Variants in CHRNA4 observed in about 807,000 individuals in gnomAD.
CHRNA4 encodes the protein cholinergic receptor nicotinic alpha 4 subunit.
A neutral mutation model predicts 48.9 loss-of-function variants in CHRNA4; 28 were observed. The ratio of observed to expected loss-of-function variants is 0.57; its 90% confidence interval spans 0.42 to 0.79. CHRNA4 has a LOEUF of 0.79. Ranked by LOEUF, CHRNA4 falls within the 30% of genes least tolerant of loss-of-function variation. CHRNA4 has a pLI of 0.00. For synonymous variants in CHRNA4, 425 were observed against 402.3 expected, an observed-to-expected ratio of 1.06 and a Z score of -0.68; for missense variants, 859 against 898.4, an observed-to-expected ratio of 0.96 and a Z score of 0.56.
rs1444776363 is a variant in CHRNA4 at position 63,361,267 on chromosome 20, C to A, written c.-102G>T. The A allele has an allele frequency of 9.4e-6, 13 of 1,384,160 alleles. No individual in the cohort carries two copies. The highest frequency in any genetic ancestry group is 1.2e-5 in the Non-Finnish European group (13 of 1,070,808). The allele number at this position is 1,384,160 out of a possible 1,614,324, so 85.7% of individuals were successfully genotyped here. ...TTCATGCCTCCCGCGCCTCGCGGGC[C>A]GCTTCGGCCGCCGGGCCCGGTTCGT... On this transcript the variant is annotated 5_prime_UTR_variant, in exon 1 of 6. Transcript: ENST00000370263.
chr20:63,361,255 C>T lies in CHRNA4; in HGVS notation c.-90G>A. On this transcript the variant is annotated 5_prime_UTR_variant, in exon 1 of 6. Transcript: ENST00000370263. ...TGCGCGCCCAACTTCATGCCTCCCG[C>T]GCCTCGCGGGCCGCTTCGGCCGCCG... 2 of 1,405,860 alleles carry T rather than the reference C, an allele frequency of 1.4e-6. No homozygotes were observed. Among genetic ancestry groups the T allele is most frequent in the Non-Finnish European group, 1.8e-6 (2 of 1,082,546 alleles). The allele number at this position is 1,405,860 out of a possible 1,614,324, so 87.1% of individuals were successfully genotyped here.
Position 63,356,050 on chromosome 20 carries a change from G to C in CHRNA4, c.308C>G (p.Ala103Gly). Residue 103 changes from alanine (A) to glycine (G), a missense_variant, in exon 4 of 6, where the codon GCT (alanine) becomes GGT (glycine). By Grantham distance (60) the Ala-to-Gly change is moderately conservative. Coordinates refer to ENST00000370263, the MANE Select transcript of CHRNA4 (RefSeq NM_000744.7). ...GATGGAGGTGACATTCTCATAGTCA[G>C]CTGGGTCCCAGCGCAGCTTGTAGTC... ...WHDYKLRWDPADYENVTSIRI... is the reference protein window; with the variant it reads ...WHDYKLRWDPGDYENVTSIRI... 6.2e-7 allele frequency: 1 copy of C among 1,606,384 alleles called. No homozygotes were observed. The highest frequency in any genetic ancestry group is 8.5e-7 in the Non-Finnish European group (1 of 1,178,384).
chr20:63,349,704 C>A lies in CHRNA4; in HGVS notation c.1707G>T (p.Glu569Asp), dbSNP rs745400973. ...GGTGGTCTGCAATGTACTGGACGCCCTCCACCGCCCGGGTCAGGGCCGGCG... is the reference window on the plus strand; with the variant it reads ...GGTGGTCTGCAATGTACTGGACGCCATCCACCGCCCGGGTCAGGGCCGGCG... ...PLSPALTRAV[E>D]GVQYIADHLK... The change falls in exon 5 of 6, where the codon GAG becomes GAT. Residue 569 changes from glutamate to aspartate, a missense_variant. Coordinates refer to ENST00000370263, the MANE Select transcript of CHRNA4 (RefSeq NM_000744.7). The A allele has an allele frequency of 1.2e-6, 2 of 1,612,746 alleles. No homozygotes were observed. Among genetic ancestry groups the A allele is most frequent in the South Asian group, 2.2e-5 (2 of 91,086 alleles).
intron 4 of CHRNA4, among the ~76,000 whole-genome samples, chr20:63,351,872 G>A (rs530362507): frequency 3.3e-5 from 5 of 152,308 alleles, no homozygotes; most frequent in Admixed American, 1.3e-4. Flanking sequence ...CCCAGCCCCT[G>A]GTTCCATAGA....
rs796052312 is a variant in CHRNA4 at position 63,361,150 on chromosome 20, G to C, written c.16C>G (p.Pro6Ala). The C allele has an allele frequency of 3.4e-6, 5 of 1,480,510 alleles. No individual in the cohort carries two copies. Among genetic ancestry groups the C allele is most frequent in the East Asian group, 5.7e-5 (2 of 34,918 alleles). The allele number at this position is 1,480,510 out of a possible 1,614,324, so 91.7% of individuals were successfully genotyped here. MELGG[P>A]GAPRLLPPLL... ...GGCGGCAGCAGCCGCGGCGCTCCGG[G>C]GCCCCCTAGCTCCATGGCGCACGCA... The change falls in exon 1 of 6, where the codon CCC (proline) becomes GCC (alanine). Residue 6 changes from proline to alanine, a missense_variant. Transcript: ENST00000370263.
chr20:63,356,433 G>A lies in CHRNA4; in HGVS notation c.229-18C>T. The stretch of plus-strand genomic sequence containing the variant: ...TTCTCATCCTAGGGCACCGAGAGAG[G>A]AAGGGGGCCAGTGACCCCTTGGTGT... On this transcript the variant is annotated intron_variant, in intron 2 of 5. Transcript: ENST00000370263. 1.3e-6 allele frequency: 2 copies of A among 1,594,310 alleles called. No individual in the cohort carries two copies. The highest frequency in any genetic ancestry group is 1.1e-5 in the South Asian group (1 of 87,820).
At chr20:63,353,780 T>C (rs1268235445) in intron 4 of CHRNA4, among the ~76,000 whole-genome samples, 2 of 42,994 alleles carry the variant, frequency 4.7e-5, no homozygotes, top group Non-Finnish European at 8.7e-5. Context: ...GGGGCTGCGG[T>C]CCTAGGGGGC....
chr20:63,361,017 C>A, intron 1 of CHRNA4, 73 bp downstream of exon 1: 1 of 1,215,404 alleles, frequency 8.2e-7, no homozygotes, highest in South Asian at 2.0e-5. Flanking sequence ...GAGCCTGCCT[C>A]CCTCTGGCTC....
intron 2 of CHRNA4, 85 bp from the exon 3 acceptor site, chr20:63,356,500 C>T (rs2068721281): frequency 1.4e-6 from 2 of 1,380,836 alleles, no homozygotes; most frequent in African/African-American, 2.9e-5. Flanking sequence ...GCCACTGGCA[C>T]AAGGACACGG....
Position 63,359,642 on chromosome 20 carries a change from AAG to A in CHRNA4, c.132_133del (p.Phe45LeufsTer30). Reference sequence around the variant, plus strand: ...TCGGGACCACTTGTTGTAACCGGAGAAGAGTTTCTTCAGGAGCCGCTCCTCGG... The same window carrying A: ...TCGGGACCACTTGTTGTAACCGGAGAAGTTTCTTCAGGAGCCGCTCCTCGG... On this transcript the variant is annotated frameshift_variant, in exon 2 of 6. Transcript: ENST00000370263. LOFTEE classifies it high-confidence loss of function. The A allele has an allele frequency of 6.2e-7, 1 of 1,612,536 alleles. No individual in the cohort carries two copies. Among genetic ancestry groups the A allele is most frequent in the Non-Finnish European group, 8.5e-7 (1 of 1,179,932 alleles).
chr20:63,350,456 G>A lies in CHRNA4; in HGVS notation c.955C>T (p.Leu319=), dbSNP rs1249654154. 1 of 1,614,018 alleles carries A rather than the reference G, an allele frequency of 6.2e-7. No homozygotes were observed. ...YLLFTMIFVT[L]SIVITVFVLN... is the part of the protein sequence containing the mutation. The stretch of plus-strand genomic sequence containing the variant: ...ACGAAGACCGTGATGACGATGGACA[G>A]GGTGACGAAGATCATGGTGAACAGC... Residue 319 remains leucine (L), a synonymous_variant, in exon 5 of 6, where the codon CTG becomes TTG. Transcript: ENST00000370263.
chr20:63,359,472 C>T (rs1336763581), intron 2 of CHRNA4, 76 bp downstream of exon 2: 6 of 1,588,516 alleles, frequency 3.8e-6, no homozygotes, highest in Non-Finnish European at 3.4e-6. Context: ...GCTGTGTCCC[C>T]TCTGCCCACC....
intron 5 of CHRNA4, 154 bp from the exon 6 acceptor site, chr20:63,347,017 C>T (rs2068507098): frequency 3.6e-6 from 4 of 1,121,930 alleles, no homozygotes; most frequent in Non-Finnish European, 5.2e-6. Context: ...ACAGCTGCAC[C>T]GAGGGGAGGA....
intron 1 of CHRNA4, 84 bp from the exon 2 acceptor site, chr20:63,359,783 C>T: frequency 1.3e-6 from 2 of 1,504,584 alleles, no homozygotes; most frequent in Non-Finnish European, 1.8e-6. Context: ...GCTGCCCCAG[C>T]CCCCTGCCCA....
intron 5 of CHRNA4, 29 bp downstream of exon 5, chr20:63,349,624 C>A: frequency 6.2e-7 from 1 of 1,612,136 alleles, no homozygotes; most frequent in East Asian, 2.2e-5. Context: ...GGGTCAGAGG[C>A]GCCCAACACA....
At chr20:63,348,724 G>A (rs1269122128) in intron 5 of CHRNA4, among the ~76,000 whole-genome samples, 1 of 152,198 alleles carries the variant, frequency 6.6e-6, no homozygotes, top group Non-Finnish European at 1.5e-5. Flanking sequence ...CCGAGGCCGA[G>A]ACCCCCGGCC....
At chr20:63,355,759 T>C (rs1371631174) in intron 4 of CHRNA4, 20 of 811,636 alleles carry the variant, frequency 2.5e-5, no homozygotes, top group Non-Finnish European at 3.6e-5. Context: ...GCCTCTTTGC[T>C]GGCCTGGGGG....
intron 4 of CHRNA4, 77 bp downstream of exon 4, chr20:63,355,898 G>A (rs2068709167): frequency 6.3e-7 from 1 of 1,577,802 alleles, no homozygotes; most frequent in South Asian, 1.1e-5. Flanking sequence ...GGAGCTCCCT[G>A]TCTGGGCAGG....
chr20:63,359,913 G>GTA (rs2068788230), intron 1 of CHRNA4: 23 of 519,446 alleles, frequency 4.4e-5, no homozygotes, highest in African/African-American at 3.9e-4. Flanking sequence ...GTGTGTGTGT[G>GTA]TGTGTGTGTG....
Sources: allele counts gnomAD v4.1 joint callset (sites outside exome capture counted in the v4.1 genomes callset), GRCh38; gene constraint gnomAD v4.1.1; transcripts MANE v1.5; gene names NCBI Gene and HGNC (gene_info 2026-07-23, HGNC 2026-07-21).